AFF2: variants seen among roughly 807,000 people sequenced by gnomAD.
The protein encoded by AFF2 is AF4/FMR2 family member 2.
AFF2 carries 14 observed loss-of-function variants against 76.9 expected under a neutral mutation model. The observed-to-expected ratio is 0.18, with a 90% CI of 0.12 to 0.28. AFF2 has a LOEUF of 0.28. Among genes scored for constraint, AFF2 ranks in the 10% least tolerant of loss-of-function variants. AFF2 has a pLI of 1.00. For synonymous variants in AFF2, 398 were observed against 366.7 expected, an observed-to-expected ratio of 1.09 and a Z score of -0.98; for missense variants, 868 against 1,001.1, an observed-to-expected ratio of 0.87 and a Z score of 1.79.
rs782022460 is a variant in AFF2, at chrX:148,501,095, G to T, written c.-3G>T. 3 of 1,209,801 alleles carry T rather than the reference G, an allele frequency of 2.5e-6. No homozygotes were observed. The highest frequency in any genetic ancestry group is 3.4e-6 in the Non-Finnish European group (3 of 894,437). ...GCCCGCCCGCCGCCGCCGCCTGGCC[G>T]CTATGGATCTATTCGACTTTTTCAG... On this transcript the variant is annotated 5_prime_UTR_variant, in exon 1 of 21. Coordinates refer to ENST00000370460, the MANE Select transcript of AFF2 (RefSeq NM_002025.4).
At chrX:148,921,376 C>T (rs782474346) in intron 9 of AFF2, among the ~76,000 whole-genome samples, 2 of 112,220 alleles carry the variant, frequency 1.8e-5, no homozygotes, top group East Asian at 2.8e-4. Flanking sequence ...CTCTCACCCC[C>T]CAAGGGAGCC....
intron 3 of AFF2, among the ~76,000 whole-genome samples, chrX:148,800,440 G>C (rs1197504986): frequency 8.9e-6 from 1 of 112,071 alleles, no homozygotes; most frequent in Non-Finnish European, 1.9e-5. Flanking sequence ...TTAGTTAAAG[G>C]AAAAACTGAT....
chrX:148,956,361 T>C lies in AFF2; in HGVS notation c.2316T>C (p.Ser772=), dbSNP rs1557287348. ...GCAGCAACAACAACTTATCCATCAGTAATGAAGAGCCAACATTTTCACCTA... is the reference window on the plus strand; with the variant it reads ...GCAGCAACAACAACTTATCCATCAGCAATGAAGAGCCAACATTTTCACCTA... ...SSGSNNNLSI[S]NEEPTFSPIP... The change falls in exon 11 of 21, where the codon AGT becomes AGC. Residue 772 remains serine (S), a synonymous_variant. Transcript: ENST00000370460. The C allele has an allele frequency of 2.5e-6, 3 of 1,211,748 alleles. No individual in the cohort carries two copies. Among genetic ancestry groups the C allele is most frequent in the Non-Finnish European group, 3.3e-6 (3 of 895,524 alleles).
chrX:148,962,910 T>C lies in AFF2; in HGVS notation c.2886T>C (p.Cys962=), dbSNP rs2072128253. 2 of 1,195,407 alleles carry C rather than the reference T, an allele frequency of 1.7e-6. No homozygotes were observed. Among genetic ancestry groups the C allele is most frequent in the Non-Finnish European group, 1.1e-6 (1 of 880,794 alleles). Residue 962 remains cysteine, a synonymous_variant, in exon 13 of 21, where the codon TGT becomes TGC. Coordinates refer to ENST00000370460, the MANE Select transcript of AFF2 (RefSeq NM_002025.4). ...CTAAGAGAACTGAAGGCAAATTCTGTGCTACTTTCAAAGGGATATCGGTAA... is the reference window on the plus strand; with the variant it reads ...CTAAGAGAACTGAAGGCAAATTCTGCGCTACTTTCAAAGGGATATCGGTAA... ...TKPKRTEGKF[C]ATFKGISVNE... is the part of the protein sequence containing the mutation.
At chrX:148,661,816 T>C in intron 2 of AFF2, 92 bp from the exon 3 acceptor site, 1 of 901,520 alleles carries the variant, frequency 1.1e-6, no homozygotes, top group Non-Finnish European at 1.5e-6. Flanking sequence ...CGTATGATAG[T>C]CTACTTAGGG....
At chrX:148,714,067 A>G (rs1159723124) in intron 3 of AFF2, among the ~76,000 whole-genome samples, 2 of 112,122 alleles carry the variant, frequency 1.8e-5, no homozygotes, top group African/African-American at 3.2e-5. Flanking sequence ...AAGTGGGTCA[A>G]GATATCCCTG....
chrX:148,888,993 G>A (rs1229181013), intron 8 of AFF2, among the ~76,000 whole-genome samples: 2 of 111,529 alleles, frequency 1.8e-5, no homozygotes, highest in Admixed American at 9.5e-5. Context: ...CAATAAAAAA[G>A]CCATTTACTT....
chrX:148,688,631 A>G (rs782438980), intron 3 of AFF2, among the ~76,000 whole-genome samples: 1 of 111,408 alleles, frequency 9.0e-6, no homozygotes, highest in Non-Finnish European at 1.9e-5. Flanking sequence ...CCTAATAAAT[A>G]TAGTCATGAA....
intron 1 of AFF2, among the ~76,000 whole-genome samples, chrX:148,553,797 A>G (rs1416923567): frequency 1.8e-5 from 2 of 112,329 alleles, no homozygotes; most frequent in Non-Finnish European, 3.8e-5. Flanking sequence ...AGAATTTGCC[A>G]ATGAAGGACA....
chrX:148,882,435 C>T (rs2071108267), intron 7 of AFF2, among the ~76,000 whole-genome samples: 1 of 112,037 alleles, frequency 8.9e-6, no homozygotes, highest in East Asian at 2.8e-4. Flanking sequence ...AGCATTTTTA[C>T]ACCAAGATGA....
chrX:148,558,073 T>C (rs140892527), intron 1 of AFF2, among the ~76,000 whole-genome samples: 2,814 of 111,945 alleles, frequency 0.025, 47 homozygotes, highest in South Asian at 0.043. Context: ...AGCCACAGAT[T>C]ACTGCTTCCC....
intron 3 of AFF2, among the ~76,000 whole-genome samples, chrX:148,699,014 A>T (rs943991296): frequency 7.2e-5 from 8 of 111,610 alleles, no homozygotes; most frequent in Non-Finnish European, 1.5e-4. Flanking sequence ...TTTGGATCTG[A>T]ACTTCTGATA....
intron 7 of AFF2, among the ~76,000 whole-genome samples, chrX:148,867,896 A>G (rs1455205679): frequency 9.0e-6 from 1 of 111,621 alleles, no homozygotes; most frequent in Non-Finnish European, 1.9e-5. Context: ...TACAGAGGCT[A>G]TGTAAATACT....
At chrX:148,652,447 C>T (rs2054212025) in intron 2 of AFF2, among the ~76,000 whole-genome samples, 1 of 111,612 alleles carries the variant, frequency 9.0e-6, no homozygotes, top group African/African-American at 3.3e-5. Context: ...CTGTGATTGT[C>T]AGTAGGCAGC....
At chrX:148,587,924 A>G (rs2124367026) in intron 1 of AFF2, among the ~76,000 whole-genome samples, 1 of 112,670 alleles carries the variant, frequency 8.9e-6, no homozygotes, top group African/African-American at 3.2e-5. Context: ...TAGATGTCAC[A>G]TGTAGGTTTG....
chrX:148,546,210 C>T (rs1431793342), intron 1 of AFF2, among the ~76,000 whole-genome samples: 1 of 111,578 alleles, frequency 9.0e-6, no homozygotes, highest in Non-Finnish European at 1.9e-5. Flanking sequence ...TTAAATTTTG[C>T]ATAGACTCCA....
chrX:148,943,073 T>G (rs782272872), intron 9 of AFF2, among the ~76,000 whole-genome samples: 1 of 111,591 alleles, frequency 9.0e-6, no homozygotes, highest in Admixed American at 9.5e-5. Context: ...TATGGGCTAG[T>G]CTGGGTGACC....
At chrX:148,574,943 GGTGTGTGT>G (rs781819721) in intron 1 of AFF2, among the ~76,000 whole-genome samples, 1,722 of 95,607 alleles carry the variant, frequency 0.018, 35 homozygotes, top group African/African-American at 0.059. Flanking sequence ...ATAGTGCTGG[GGTGTGTGT>G]GTGTGTGTGT....
intron 3 of AFF2, among the ~76,000 whole-genome samples, chrX:148,688,811 A>G (rs2054623729): frequency 8.9e-6 from 1 of 111,840 alleles, no homozygotes; most frequent in African/African-American, 3.3e-5. Context: ...GCAAGCGACT[A>G]TACTAAATAC....
Sources: allele counts gnomAD v4.1 joint callset (sites outside exome capture counted in the v4.1 genomes callset), GRCh38; gene constraint gnomAD v4.1.1; transcripts MANE v1.5; gene names NCBI Gene and HGNC (gene_info 2026-07-23, HGNC 2026-07-21).